Variants in PRELID3A observed in about 807,000 individuals in gnomAD.
PRELID3A encodes the protein PRELI domain containing 3A, also known as PRELI domain containing protein 3A.
PRELID3A carries 27 observed loss-of-function variants against 23.0 expected under a neutral mutation model. That is an observed-to-expected ratio of 1.17 (90% CI 0.87 to 1.62). The LOEUF is 1.62. Ranked by LOEUF, PRELID3A falls within the 40% of genes most tolerant of loss-of-function variation. The pLI is 0.00. For missense variants in PRELID3A, 231 were observed against 231.4 expected, an observed-to-expected ratio of 1.00 and a Z score of 0.01; for synonymous variants, 87 against 86.4, an observed-to-expected ratio of 1.01 and a Z score of -0.04.
intron 5 of PRELID3A, among the ~76,000 whole-genome samples, chr18:12,427,877 A>G (rs1404370412): frequency 6.6e-6 from 1 of 152,074 alleles, no homozygotes; most frequent in Non-Finnish European, 1.5e-5. Context: ...CTCAGTAGAG[A>G]AAGTATGGGG....
Position 12,421,519 on chromosome 18 carries a change from T to C in PRELID3A, c.202-21T>C, listed in dbSNP as rs76743506. On this transcript the variant is annotated intron_variant, in intron 2 of 6. Coordinates refer to ENST00000440960, the MANE Select transcript of PRELID3A (RefSeq NM_001142405.2). ...TAGAATTTTTAACGTTCCACTATGC[T>C]AGTTTTGCTTTGTTTTCTAGATTTT... is the stretch of plus-strand genomic sequence containing the variant. 2,313 of 1,483,318 alleles carry C rather than the reference T, an allele frequency of 1.6e-3. 34 individuals are homozygous for C. The African/African-American group carries it at 0.028, about 18-fold the overall frequency. The allele number at this position is 1,483,318 out of a possible 1,614,324, so 91.9% of individuals were successfully genotyped here. A position where few individuals can be genotyped will look rare whatever the true frequency, so the allele number is the denominator to read the frequency against.
At chr18:12,408,060 C>A in intron 1 of PRELID3A, 53 bp downstream of exon 1, 1 of 1,236,192 alleles carries the variant, frequency 8.1e-7, no homozygotes, top group South Asian at 3.5e-5. Flanking sequence ...GGCTCCTGCT[C>A]CCGAGCCCGG....
chr18:12,420,094 GACC>G, intron 1 of PRELID3A: 1 of 1,406,906 alleles, frequency 7.1e-7, no homozygotes, highest in Non-Finnish European at 9.3e-7. Flanking sequence ...GACAGAGTGA[GACC>G]CTGTCTCAGA....
intron 1 of PRELID3A, 143 bp from the exon 2 acceptor site, chr18:12,420,182 A>T (rs1164548985): frequency 2.1e-6 from 3 of 1,432,842 alleles, no homozygotes; most frequent in Admixed American, 5.7e-5. Context: ...GGCTCGCGGG[A>T]CTCCTCAGAT....
chr18:12,409,474 A>G (rs1188423909), intron 1 of PRELID3A, among the ~76,000 whole-genome samples: 3 of 152,134 alleles, frequency 2.0e-5, no homozygotes, highest in Non-Finnish European at 4.4e-5. Flanking sequence ...GCCTGACTTT[A>G]AACATGTAAA....
chr18:12,420,815 G>T (rs868024021), intron 2 of PRELID3A, among the ~76,000 whole-genome samples: 2 of 130,804 alleles, frequency 1.5e-5, no homozygotes, highest in Non-Finnish European at 3.3e-5. Context: ...ACGGTGGGGG[G>T]GTCTTCCTCG....
intron 1 of PRELID3A, among the ~76,000 whole-genome samples, chr18:12,418,817 C>T (rs1212893363): frequency 6.6e-6 from 1 of 152,102 alleles, no homozygotes; most frequent in African/African-American, 2.4e-5. Flanking sequence ...GTGTCTGACC[C>T]TGCAGGTTTC....
intron 5 of PRELID3A, among the ~76,000 whole-genome samples, chr18:12,428,518 C>T (rs768003072): frequency 2.6e-5 from 4 of 152,156 alleles, no homozygotes; most frequent in Admixed American, 6.5e-5. Context: ...CTGTACTTCC[C>T]TTTCCAATGT....
chr18:12,430,769 G>A (rs531257694), intron 6 of PRELID3A, among the ~76,000 whole-genome samples: 539 of 150,904 alleles, frequency 3.6e-3, no homozygotes, highest in African/African-American at 0.012. Flanking sequence ...TGTGTGATGT[G>A]TGTGCATGCG....
chr18:12,414,855 G>C (rs2029896230), intron 1 of PRELID3A, among the ~76,000 whole-genome samples: 1 of 152,116 alleles, frequency 6.6e-6, no homozygotes, highest in Admixed American at 6.6e-5. Flanking sequence ...CTAAGGAGCA[G>C]CTGATGGAGG....
chr18:12,410,944 C>G (rs1041577219), intron 1 of PRELID3A: 2 of 152,140 alleles, frequency 1.3e-5, no homozygotes, highest in African/African-American at 4.8e-5. Context: ...AGTGATCCAC[C>G]CACCTCGGCC....
At chr18:12,412,389 T>C (rs1310329278) in intron 1 of PRELID3A, among the ~76,000 whole-genome samples, 1 of 151,788 alleles carries the variant, frequency 6.6e-6, no homozygotes, top group Non-Finnish European at 1.5e-5. Flanking sequence ...GGTTTCGCCA[T>C]GTTGGCCAGG....
intron 2 of PRELID3A, chr18:12,421,317 T>C: frequency 7.4e-6 from 4 of 542,336 alleles, no homozygotes; most frequent in South Asian, 7.3e-5. Flanking sequence ...GGGAGCATAG[T>C]GCTGCTGCAC....
intron 1 of PRELID3A, among the ~76,000 whole-genome samples, chr18:12,413,722 T>C (rs2029876260): frequency 6.6e-6 from 1 of 151,830 alleles, no homozygotes; most frequent in Non-Finnish European, 1.5e-5. Flanking sequence ...TAGCTGGGAT[T>C]GCAGGTGAGT....
chr18:12,423,920 C>T (rs1016824371), intron 3 of PRELID3A, among the ~76,000 whole-genome samples: 2 of 152,170 alleles, frequency 1.3e-5, no homozygotes, highest in Non-Finnish European at 2.9e-5. Flanking sequence ...GGGAACAGTC[C>T]CCCAGGATGC....
chr18:12,412,067 C>T (rs541793830), intron 1 of PRELID3A, among the ~76,000 whole-genome samples: 6 of 152,126 alleles, frequency 3.9e-5, no homozygotes, highest in African/African-American at 1.4e-4. Flanking sequence ...CCCGCCACCA[C>T]GCCTGACTAC....
intron 3 of PRELID3A, among the ~76,000 whole-genome samples, chr18:12,423,410 G>A (rs1379288450): frequency 4.6e-5 from 7 of 152,308 alleles, no homozygotes; most frequent in East Asian, 3.9e-4. Flanking sequence ...CCAGTAGTCC[G>A]GGCAGGTAAT....
At chr18:12,425,716 G>C (rs2030336626) in intron 3 of PRELID3A, among the ~76,000 whole-genome samples, 1 of 151,976 alleles carries the variant, frequency 6.6e-6, no homozygotes. Flanking sequence ...AAGGTGGGAG[G>C]ATCGCTTGAG....
At position 12,420,495 on chromosome 18, in the gene PRELID3A, T is replaced by TCC; in HGVS notation, c.201+2_201+3insCC. On this transcript the variant is annotated splice_region_variant and intron_variant, in intron 2 of 6. Coordinates refer to ENST00000440960, the MANE Select transcript of PRELID3A (RefSeq NM_001142405.2). ...GGGCTGCCCAGCCTCGTGAGAGCGG[T>TCC]GAGCGGGGCGGGGGCTGCGGCTCCG... is the stretch of plus-strand genomic sequence containing the variant. The TCC allele has an allele frequency of 6.5e-7, 1 of 1,530,074 alleles. No individual in the cohort carries two copies. The highest frequency in any genetic ancestry group is 8.8e-7 in the Non-Finnish European group (1 of 1,137,530). The allele number at this position is 1,530,074 out of a possible 1,614,324, so 94.8% of individuals were successfully genotyped here. A position where few individuals can be genotyped will look rare whatever the true frequency, so the allele number is the denominator to read the frequency against.
Sources: gnomAD v4.1 joint callset for allele counts (sites outside exome capture counted in the v4.1 genomes callset) on GRCh38, gnomAD v4.1.1 for gene constraint, MANE v1.5 for transcripts, NCBI Gene and HGNC (gene_info 2026-07-23, HGNC 2026-07-21) for gene names.